Variants in CYP11B1 observed in about 807,000 individuals in gnomAD.
CYP11B1 encodes the protein cytochrome P450 family 11 subfamily B member 1.
Under a neutral mutation model 48.3 loss-of-function variants are expected in CYP11B1, and 34 were observed. That is an observed-to-expected ratio of 0.70 (90% confidence interval 0.54 to 0.94). CYP11B1 has a LOEUF of 0.94. Ranked by LOEUF, CYP11B1 falls within the 40% of genes least tolerant of loss-of-function variation. CYP11B1 has a pLI of 0.00. For missense variants in CYP11B1, 688 were observed against 657.4 expected (o/e 1.05, Z -0.51); for synonymous variants, 291 against 262.5 (o/e 1.11, Z -1.05).
At chr8:142,877,587 A>G (rs1251473853) in intron 2 of CYP11B1, among the ~76,000 whole-genome samples, 19 of 152,280 alleles carry the variant, frequency 1.2e-4, no homozygotes, top group Admixed American at 6.5e-4. Context: ...CCTGTTGTCA[A>G]GCTTTGCCCA....
intron 2 of CYP11B1, chr8:142,877,984 T>G: frequency 1.6e-6 from 1 of 644,560 alleles, no homozygotes; most frequent in African/African-American, 1.8e-5. Flanking sequence ...GCACAGACAC[T>G]ACACCCATGC....
In CYP11B1 at chr8:142,874,048, A is replaced by C. The variant is rs1032495694; in HGVS notation, c.*325T>G. ...GGAAGGCAAGGGACAAAACCACAGC[A>C]CCCTTGTATGGCCACACGAGGAGCC... On this transcript the variant is annotated 3_prime_UTR_variant, in exon 9 of 9. Coordinates refer to ENST00000292427, the MANE Select transcript of CYP11B1 (RefSeq NM_000497.4). The C allele has an allele frequency of 4.6e-6, 2 of 430,486 alleles. No individual in the cohort carries two copies. Among genetic ancestry groups the C allele is most frequent in the East Asian group, 9.8e-5 (2 of 20,434 alleles). 26.7% of individuals were successfully genotyped at this position (430,486 alleles called of 1,614,324 possible). A position where few individuals can be genotyped will look rare whatever the true frequency, so the allele number is the denominator to read the frequency against.
At chr8:142,874,582 A>C in intron 8 of CYP11B1, 96 bp from the exon 9 acceptor site, 2 of 875,188 alleles carry the variant, frequency 2.3e-6, no homozygotes, top group Admixed American at 3.6e-5. Context: ...ATTATGCTGA[A>C]GGGGGAACAG....
chr8:142,875,818 C>T lies in CYP11B1; in HGVS notation c.1015G>A (p.Ala339Thr), dbSNP rs193922534. 5.9e-5 allele frequency: 95 copies of T among 1,613,980 alleles called. No individual in the cohort carries two copies. Among genetic ancestry groups the T allele is most frequent in the Admixed American group, 3.3e-4 (20 of 60,018 alleles). The change falls in exon 6 of 9, where the codon GCC becomes ACC. Residue 339 changes from alanine (A) to threonine (T), a missense_variant. Coordinates refer to ENST00000292427, the MANE Select transcript of CYP11B1 (RefSeq NM_000497.4). ...ELARNPNVQQ[A>T]LRQESLAAAA... is the part of the protein sequence containing the mutation. ...GCGGCCAGGCTCTCCTGGCGCAGGGCCTGCTGCACGTTGGGGTTCCGAGCC... is the reference window on the plus strand; with the variant it reads ...GCGGCCAGGCTCTCCTGGCGCAGGGTCTGCTGCACGTTGGGGTTCCGAGCC...
At position 142,874,247 on chromosome 8, in the gene CYP11B1, G is replaced by T; in HGVS notation, c.*126C>A. 1.3e-6 allele frequency: 1 copy of T among 755,580 alleles called. No homozygotes were observed. The highest frequency in any genetic ancestry group is 2.4e-6 in the Non-Finnish European group (1 of 414,608). The allele number at this position is 755,580 out of a possible 1,614,324, so 46.8% of individuals were successfully genotyped here. On this transcript the variant is annotated 3_prime_UTR_variant, in exon 9 of 9. Coordinates refer to ENST00000292427, the MANE Select transcript of CYP11B1 (RefSeq NM_000497.4). The stretch of plus-strand genomic sequence containing the variant: ...AGAGGCCCTCGGGAGTTCCATTTGT[G>T]CTGGGGCTGGTTAGACAGAGGGGTG...
chr8:142,874,879 G>C, intron 8 of CYP11B1, 78 bp downstream of exon 8: 1 of 1,556,258 alleles, frequency 6.4e-7, no homozygotes, highest in East Asian at 2.3e-5. Flanking sequence ...CTCTGCCGAG[G>C]CCAGTCCCAC....
rs1010821757 is a variant in CYP11B1 at position 142,876,496 on chromosome 8, C to T, written c.800-101G>A. On this transcript the variant is annotated intron_variant, in intron 4 of 8. Coordinates refer to ENST00000292427, the MANE Select transcript of CYP11B1 (RefSeq NM_000497.4). ...CTGCCCCGACACCCAAGTCTCCCTG[C>T]TCTCATCCCAAATTCTCCGGATCAG... 4.5e-6 allele frequency: 7 copies of T among 1,538,972 alleles called. No homozygotes were observed. In the African/African-American group the frequency reaches 9.6e-5, roughly 21 times the overall value.
chr8:142,872,689 T>A lies in CYP11B1; in HGVS notation c.*1684A>T, dbSNP rs1336734336. On this transcript the variant is annotated 3_prime_UTR_variant, in exon 9 of 9. Coordinates refer to ENST00000292427, the MANE Select transcript of CYP11B1 (RefSeq NM_000497.4). Reference sequence around the variant, plus strand: ...GGGAGAAATGCATGTATTTTGTATATGAGAAGGATGTAGATTTTAGAGAAA... The same window carrying A: ...GGGAGAAATGCATGTATTTTGTATAAGAGAAGGATGTAGATTTTAGAGAAA... 1.3e-5 allele frequency: 2 copies of A among 152,312 alleles called. No homozygotes were observed. Among genetic ancestry groups the A allele is most frequent in the East Asian group, 3.9e-4 (2 of 5,184 alleles). 9.4% of individuals were successfully genotyped at this position (152,312 alleles called of 1,614,324 possible).
Position 142,876,274 on chromosome 8 carries a change from G to T in CYP11B1, c.921C>A (p.Asn307Lys), listed in dbSNP as rs1005898526. Residue 307 changes from asparagine (N) to lysine (K), a missense_variant, in exon 5 of 9, where the codon AAC (asparagine) becomes AAA (lysine). By Grantham distance (94) the Asn-to-Lys change is moderately conservative. Coordinates refer to ENST00000292427, the MANE Select transcript of CYP11B1 (RefSeq NM_000497.4). ...AELSPDAIKANSMELTAGSVD... is the reference protein window; with the variant it reads ...AELSPDAIKAKSMELTAGSVD... ...CGCTCCCTGCAGTGAGTTCCATAGA[G>T]TTGGCCTTGATGGCATCTGGCGACA... 1 of 1,614,156 alleles carries T rather than the reference G, an allele frequency of 6.2e-7. No individual in the cohort carries two copies. The highest frequency in any genetic ancestry group is 8.5e-7 in the Non-Finnish European group (1 of 1,180,060).
chr8:142,875,528 C>T (rs546887643), intron 6 of CYP11B1, 184 bp downstream of exon 6: 154 of 895,584 alleles, frequency 1.7e-4, no homozygotes, highest in Admixed American at 7.4e-4. Context: ...ATCCCCAGGG[C>T]GTTGAAGAGG....
At chr8:142,879,505 G>A (rs757622420) in intron 1 of CYP11B1, 70 bp downstream of exon 1, 6 of 1,614,098 alleles carry the variant, frequency 3.7e-6, no homozygotes, top group Non-Finnish European at 1.7e-6. Flanking sequence ...AGTGCTGAGT[G>A]CCCGGCAGGG....
rs530938850 is a variant in CYP11B1 at position 142,876,292 on chromosome 8, T to C, written c.903A>G (p.Pro301=). 2.5e-6 allele frequency: 4 copies of C among 1,614,234 alleles called. No homozygotes were observed. In the South Asian group the frequency reaches 4.4e-5, roughly 18 times the overall value. The change falls in exon 5 of 9, where the codon CCA becomes CCG. Residue 301 remains proline, a synonymous_variant. Transcript: ENST00000292427. ...AELLLNAELS[P]DAIKANSMEL... ...CCATAGAGTTGGCCTTGATGGCATC[T>C]GGCGACAGTTCCGCATTCAACAGGA...
In CYP11B1 at chr8:142,874,064, A is replaced by G; in HGVS notation, c.*309T>C. 1 of 460,960 alleles carries G rather than the reference A, an allele frequency of 2.2e-6. No individual in the cohort carries two copies. Among genetic ancestry groups the G allele is most frequent in the South Asian group, 2.1e-5 (1 of 47,030 alleles). 28.6% of individuals were successfully genotyped at this position (460,960 alleles called of 1,614,324 possible). A position where few individuals can be genotyped will look rare whatever the true frequency, so the allele number is the denominator to read the frequency against. Reference sequence around the variant, plus strand: ...AACCACAGCACCCTTGTATGGCCACACGAGGAGCCTGGAGCCAGCACTGGG... The same window carrying G: ...AACCACAGCACCCTTGTATGGCCACGCGAGGAGCCTGGAGCCAGCACTGGG... On this transcript the variant is annotated 3_prime_UTR_variant, in exon 9 of 9. Coordinates refer to ENST00000292427, the MANE Select transcript of CYP11B1 (RefSeq NM_000497.4).
At position 142,879,604 on chromosome 8, in the gene CYP11B1, C is replaced by A; in HGVS notation, c.210G>T (p.Gln70His). ...AAATGGGCCCTAGTTCCTGGAAGGTCTGGTGTACTTCCAGGTGCAGGTCCT... is the reference window on the plus strand; with the variant it reads ...AAATGGGCCCTAGTTCCTGGAAGGTATGGTGTACTTCCAGGTGCAGGTCCT... Reference protein sequence around the residue: ...GYEDLHLEVHQTFQELGPIFR... With the variant: ...GYEDLHLEVHHTFQELGPIFR... Residue 70 changes from glutamine to histidine, a missense_variant, in exon 1 of 9, where the codon CAG (glutamine) becomes CAT (histidine). Coordinates refer to ENST00000292427, the MANE Select transcript of CYP11B1 (RefSeq NM_000497.4). 6.2e-7 allele frequency: 1 copy of A among 1,614,242 alleles called. No individual in the cohort carries two copies. The highest frequency in any genetic ancestry group is 8.5e-7 in the Non-Finnish European group (1 of 1,180,036).
At position 142,875,013 on chromosome 8, in the gene CYP11B1, G is replaced by A. The variant is rs1221010438; in HGVS notation, c.1342C>T (p.Arg448Cys). The A allele has an allele frequency of 7.4e-6, 12 of 1,614,230 alleles. No homozygotes were observed. Among genetic ancestry groups the A allele is most frequent in the Middle Eastern group, 1.7e-4 (1 of 6,044 alleles). ...FYHVPFGFGMRQCLGRRLAEA... is the reference protein window; with the variant it reads ...FYHVPFGFGMCQCLGRRLAEA... ...GCCAGGCGCCGCCCAAGGCACTGGC[G>A]CATGCCAAAGCCAAAGGGCACGTGG... Residue 448 changes from arginine to cysteine, a missense_variant, in exon 8 of 9, where the codon CGC becomes TGC. Physicochemically the swap from Arg to Cys is radical, Grantham distance 180. Coordinates refer to ENST00000292427, the MANE Select transcript of CYP11B1 (RefSeq NM_000497.4).
At chr8:142,876,086 T>G in intron 5 of CYP11B1, 155 bp downstream of exon 5, 5 of 1,232,242 alleles carry the variant, frequency 4.1e-6, no homozygotes, top group Non-Finnish European at 5.8e-6. Context: ...CATGGCAACC[T>G]GCAAACGTGT....
intron 2 of CYP11B1, chr8:142,877,934 G>A: frequency 1.1e-6 from 1 of 928,504 alleles, no homozygotes; most frequent in South Asian, 1.5e-5. Flanking sequence ...GCCCATGCAA[G>A]ACCTCAACAC....
Position 142,875,139 on chromosome 8 carries a change from A to C in CYP11B1, c.1216T>G (p.Phe406Val). ...GGGTTGCGACCCAGAGAGTAGAGGA[A>C]CACGCGCACCAATGTCTGCGGACGG... ...HIPAGTLVRV[F>V]LYSLGRNPAL... Residue 406 changes from phenylalanine (F) to valine (V), a missense_variant, in exon 8 of 9, where the codon TTC becomes GTC. By Grantham distance (50) the Phe-to-Val change is conservative. Transcript: ENST00000292427. 6.2e-7 allele frequency: 1 copy of C among 1,614,258 alleles called. No individual in the cohort carries two copies. The highest frequency in any genetic ancestry group is 8.5e-7 in the Non-Finnish European group (1 of 1,180,044).
At chr8:142,878,502 G>T (rs1161856124) in intron 2 of CYP11B1, among the ~76,000 whole-genome samples, 6 of 152,214 alleles carry the variant, frequency 3.9e-5, no homozygotes, top group Non-Finnish European at 8.8e-5. Context: ...CCCACCTCGT[G>T]CCTTGCTTCT....
Sources: allele counts gnomAD v4.1 joint callset (sites outside exome capture counted in the v4.1 genomes callset), GRCh38; gene constraint gnomAD v4.1.1; transcripts MANE v1.5; gene names NCBI Gene and HGNC (gene_info 2026-07-23, HGNC 2026-07-21).